The following METTL14 variants were observed in gnomAD, a reference collection of about 807,000 sequenced individuals.
The protein encoded by METTL14 is methyltransferase 14, N6-adenosine-methyltransferase non-catalytic subunit, also known as N(6)-adenosine-methyltransferase non-catalytic subunit METTL14.
METTL14 carries 32 observed loss-of-function variants against 62.4 expected under a neutral mutation model. The observed-to-expected ratio is 0.51, with a 90% CI of 0.39 to 0.69. The LOEUF is 0.69. Among genes scored for constraint, METTL14 ranks in the 30% least tolerant of loss-of-function variants. The pLI is 0.00. For missense variants in METTL14, 340 were observed against 551.9 expected (o/e 0.62, Z 3.85); for synonymous variants, 150 against 180.0 (o/e 0.83, Z 1.34).
At chr4:118,701,981 T>C (rs1268253016) in intron 8 of METTL14, among the ~76,000 whole-genome samples, 1 of 152,180 alleles carries the variant, frequency 6.6e-6, no homozygotes, top group Non-Finnish European at 1.5e-5. Context: ...CTCTTCAAGA[T>C]GCTATAGAAA....
chr4:118,689,486 T>A, intron 3 of METTL14, 29 bp downstream of exon 3: 1 of 1,277,522 alleles, frequency 7.8e-7, no homozygotes. Context: ...AAGTTTATGG[T>A]CAAAGAAAAC....
intron 2 of METTL14, among the ~76,000 whole-genome samples, chr4:118,688,931 C>G (rs150939502): frequency 6.6e-6 from 1 of 152,296 alleles, no homozygotes; most frequent in Admixed American, 6.5e-5. Flanking sequence ...CTTGGCCTCC[C>G]AAAGTGCTGG....
chr4:118,690,865 C>G (rs1724225023), intron 3 of METTL14, among the ~76,000 whole-genome samples: 1 of 151,988 alleles, frequency 6.6e-6, no homozygotes, highest in South Asian at 2.1e-4. Context: ...AGAAATATTT[C>G]TGAAAGAGGC....
rs1579080674 is a variant in METTL14 at position 118,712,734 on chromosome 4, T to G, written c.*2432T>G. On this transcript the variant is annotated 3_prime_UTR_variant, in exon 11 of 11. Coordinates refer to ENST00000388822, the MANE Select transcript of METTL14 (RefSeq NM_020961.4). ...ATAACCTAGTTTAGAAGTTAGAAGA[T>G]CAGCATGTCTGAGTTTTTACAGAAT... 1 of 152,128 alleles carries G rather than the reference T, an allele frequency of 6.6e-6. No homozygotes were observed. Among genetic ancestry groups the G allele is most frequent in the East Asian group, 1.9e-4 (1 of 5,196 alleles). 9.4% of individuals were successfully genotyped at this position (152,128 alleles called of 1,614,324 possible). A position where few individuals can be genotyped will look rare whatever the true frequency, so the allele number is the denominator to read the frequency against.
At chr4:118,692,332 G>A (rs1290748484) in intron 5 of METTL14, among the ~76,000 whole-genome samples, 2 of 150,996 alleles carry the variant, frequency 1.3e-5, no homozygotes, top group African/African-American at 2.4e-5. Context: ...AGATTCGAGC[G>A]ATTCTCCTGC....
intron 7 of METTL14, among the ~76,000 whole-genome samples, chr4:118,699,722 T>C (rs943570767): frequency 1.3e-5 from 2 of 152,180 alleles, no homozygotes; most frequent in African/African-American, 4.8e-5. Flanking sequence ...GTTTTTAAAA[T>C]AAAGAAATTC....
chr4:118,687,899 A>T (rs772907546), intron 1 of METTL14, 24 bp from the exon 2 acceptor site: 1 of 1,607,074 alleles, frequency 6.2e-7, no homozygotes, highest in East Asian at 2.2e-5. Context: ...TTGCAATCTA[A>T]TTTCTGATTT....
chr4:118,689,924 C>T (rs1724193110), intron 3 of METTL14, among the ~76,000 whole-genome samples: 1 of 151,688 alleles, frequency 6.6e-6, no homozygotes, highest in South Asian at 2.1e-4. Context: ...AGGTGTGAGC[C>T]ACCGTGCCCT....
At chr4:118,708,173 C>T (rs1042917666) in intron 10 of METTL14, among the ~76,000 whole-genome samples, 61 of 152,172 alleles carry the variant, frequency 4.0e-4, no homozygotes, top group African/African-American at 1.4e-3. Flanking sequence ...TTTAGAATTT[C>T]TGATAAAACA....
chr4:118,693,099 A>G (rs1054361687), intron 5 of METTL14, among the ~76,000 whole-genome samples: 49 of 152,126 alleles, frequency 3.2e-4, no homozygotes, highest in African/African-American at 1.1e-3. Flanking sequence ...ACGATTTTAC[A>G]TTTTTACTAA....
chr4:118,703,471 A>G (rs1724664142), intron 8 of METTL14, among the ~76,000 whole-genome samples: 1 of 152,256 alleles, frequency 6.6e-6, no homozygotes, highest in Admixed American at 6.5e-5. Context: ...TATTAAAAAT[A>G]GAAATAAGAT....
intron 7 of METTL14, among the ~76,000 whole-genome samples, chr4:118,698,662 T>C (rs1379268505): frequency 2.0e-5 from 3 of 152,012 alleles, no homozygotes; most frequent in Non-Finnish European, 2.9e-5. Context: ...TAACTCAGGG[T>C]TTCTATCTTG....
intron 8 of METTL14, among the ~76,000 whole-genome samples, chr4:118,702,855 T>C (rs1231414746): frequency 6.6e-6 from 1 of 151,058 alleles, no homozygotes; most frequent in Non-Finnish European, 1.5e-5. Flanking sequence ...GTGTATGTTT[T>C]ATACTCTATC....
Position 118,685,430 on chromosome 4 carries a change from G to C in METTL14, c.-105G>C. On this transcript the variant is annotated 5_prime_UTR_variant, in exon 1 of 11. Coordinates refer to ENST00000388822, the MANE Select transcript of METTL14 (RefSeq NM_020961.4). ...GGAAAGCTATGAGGATACTCTGTTCGTAAGCTCCCGGTGAATTTTGTTCCA... is the reference window on the plus strand; with the variant it reads ...GGAAAGCTATGAGGATACTCTGTTCCTAAGCTCCCGGTGAATTTTGTTCCA... 8.6e-7 allele frequency: 1 copy of C among 1,165,236 alleles called. No individual in the cohort carries two copies. The highest frequency in any genetic ancestry group is 1.2e-5 in the South Asian group (1 of 80,236). 72.2% of individuals were successfully genotyped at this position (1,165,236 alleles called of 1,614,324 possible).
chr4:118,692,088 A>G lies in METTL14; in HGVS notation c.412+20A>G. The G allele has an allele frequency of 6.9e-7, 1 of 1,447,886 alleles. No homozygotes were observed. Among genetic ancestry groups the G allele is most frequent in the African/African-American group, 1.4e-5 (1 of 70,734 alleles). The allele number at this position is 1,447,886 out of a possible 1,614,324, so 89.7% of individuals were successfully genotyped here. On this transcript the variant is annotated intron_variant, in intron 5 of 10. Transcript: ENST00000388822. The stretch of plus-strand genomic sequence containing the variant: ...ATGTAGGTATGTCAGGTTTGTTTGG[A>G]CTACGCTATTGCTGACTCTCAATTA...
At chr4:118,697,389 G>A (rs566953203) in intron 7 of METTL14, 66 bp downstream of exon 7, 2 of 1,327,042 alleles carry the variant, frequency 1.5e-6, no homozygotes, top group Non-Finnish European at 2.0e-6. Context: ...TATTTGGTCA[G>A]AAAGTGAGAT....
In METTL14 at chr4:118,689,382, T is replaced by C. The variant is rs758474826; in HGVS notation, c.168T>C (p.Asp56=). The C allele has an allele frequency of 2.3e-5, 36 of 1,592,786 alleles. No individual in the cohort carries two copies. The East Asian group carries it at 7.9e-4, about 35-fold the overall frequency. ...GTTTATTTTTCAGGGCTTCCTATGA[T>C]ACCTCTGCTCCAAATGCAAAACGTA... is the stretch of plus-strand genomic sequence containing the variant. ...ETRETCRASY[D]TSAPNAKRKY... The change falls in exon 3 of 11, where the codon GAT becomes GAC. Residue 56 remains aspartate (D), a synonymous_variant. Transcript: ENST00000388822.
intron 8 of METTL14, among the ~76,000 whole-genome samples, chr4:118,701,404 C>G (rs770168227): frequency 7.3e-5 from 11 of 151,552 alleles, no homozygotes; most frequent in Non-Finnish European, 1.5e-4. Context: ...CAGGCTGGCC[C>G]CAAACTCCTG....
chr4:118,688,910 G>A (rs1044780162), intron 2 of METTL14, among the ~76,000 whole-genome samples: 7 of 152,082 alleles, frequency 4.6e-5, no homozygotes, highest in Non-Finnish European at 1.0e-4. Context: ...TTGACTTTTT[G>A]ATCCGCCTGC....
Sources: gnomAD v4.1 joint callset for allele counts (sites outside exome capture counted in the v4.1 genomes callset) on GRCh38, gnomAD v4.1.1 for gene constraint, MANE v1.5 for transcripts, NCBI Gene and HGNC (gene_info 2026-07-23, HGNC 2026-07-21) for gene names.